ASTN2: variants seen among roughly 807,000 people sequenced by gnomAD.
The protein encoded by ASTN2 is astrotactin-2.
Under a neutral mutation model 139.8 loss-of-function variants are expected in ASTN2, and 54 were observed. That is an observed-to-expected ratio of 0.39 (90% CI 0.31 to 0.48). The LOEUF (loss-of-function observed/expected upper bound fraction) is 0.48. Among genes scored for constraint, ASTN2 ranks in the 20% least tolerant of loss-of-function variants. The pLI is 0.95. For missense variants in ASTN2, 1,565 were observed against 1,725.1 expected (o/e 0.91, Z 1.64); for synonymous variants, 756 against 719.5 (o/e 1.05, Z -0.81).
chr9:116,796,821 T>C (rs980343084), intron 13 of ASTN2, among the ~76,000 whole-genome samples: 5 of 152,120 alleles, frequency 3.3e-5, no homozygotes, highest in African/African-American at 1.2e-4. Flanking sequence ...ATGTTTTGTT[T>C]TGTTTTTTGA....
chr9:117,003,227 C>T (rs140511759), intron 7 of ASTN2, among the ~76,000 whole-genome samples: 14 of 152,230 alleles, frequency 9.2e-5, no homozygotes, highest in African/African-American at 2.4e-4. Context: ...GTGCAGAACA[C>T]GGGTGGACTA....
At chr9:117,287,537 A>T (rs1834481633) in intron 2 of ASTN2, among the ~76,000 whole-genome samples, 1 of 152,194 alleles carries the variant, frequency 6.6e-6, no homozygotes, top group African/African-American at 2.4e-5. Flanking sequence ...TGTCACGTAG[A>T]TAGGTATTTA....
At chr9:116,594,845 A>G (rs1854501981) in intron 19 of ASTN2, among the ~76,000 whole-genome samples, 1 of 152,186 alleles carries the variant, frequency 6.6e-6, no homozygotes, top group South Asian at 2.1e-4. Flanking sequence ...TCTTGAAAAT[A>G]GCTCCTAGCA....
Position 117,306,309 on chromosome 9 carries a change from T to A in ASTN2, c.443-14796A>T, listed in dbSNP as rs7039363. ...CATAATTTTCCTGGGTCTCCACTTC[T>A]CATTTAGAGTCAAGAAAGCTGAAAC... On this transcript the variant is annotated intron_variant, in intron 1 of 22. Coordinates refer to ENST00000313400, the MANE Select transcript of ASTN2 (RefSeq NM_001365068.1). Among the ~76,000 whole-genome samples the A allele has an allele frequency of 1.3e-3, 193 of 152,284 alleles. 1 individual carries two copies. The highest frequency in any genetic ancestry group is 4.0e-3 in the African/African-American group (167 of 41,566).
intron 1 of ASTN2, among the ~76,000 whole-genome samples, chr9:117,320,623 T>C (rs575714473): frequency 5.9e-5 from 9 of 152,336 alleles, no homozygotes; most frequent in African/African-American, 1.9e-4. Flanking sequence ...AACATGACTC[T>C]GCCCCTCCTT....
chr9:117,401,615 C>T (rs569291254), intron 1 of ASTN2, among the ~76,000 whole-genome samples: 5 of 151,364 alleles, frequency 3.3e-5, no homozygotes, highest in South Asian at 2.1e-4. Context: ...GGTTGGCAAA[C>T]GTTTTCTGTA....
intron 20 of ASTN2, among the ~76,000 whole-genome samples, chr9:116,461,036 C>A (rs998303390): frequency 3.9e-5 from 6 of 151,980 alleles, no homozygotes; most frequent in African/African-American, 7.2e-5. Flanking sequence ...GGCATGTTCC[C>A]AATAATGTGC....
intron 19 of ASTN2, among the ~76,000 whole-genome samples, chr9:116,536,737 C>T (rs1184429309): frequency 2.6e-5 from 4 of 152,186 alleles, no homozygotes; most frequent in Admixed American, 2.0e-4. Flanking sequence ...AGAGAGTTAC[C>T]CAGCTGTGTG....
chr9:117,312,002 A>C (rs1827988705), intron 1 of ASTN2, among the ~76,000 whole-genome samples: 2 of 152,108 alleles, frequency 1.3e-5, no homozygotes, highest in Admixed American at 6.5e-5. Context: ...CCAGCTCCAA[A>C]AGTAAGTCCC....
intron 10 of ASTN2, among the ~76,000 whole-genome samples, chr9:116,876,457 C>T (rs1262793075): frequency 2.6e-5 from 4 of 152,196 alleles, no homozygotes; most frequent in Non-Finnish European, 4.4e-5. Flanking sequence ...CTTGATAAAG[C>T]AGTGGCAGGG....
intron 4 of ASTN2, among the ~76,000 whole-genome samples, chr9:117,104,729 C>A (rs1162489693): frequency 1.3e-5 from 2 of 152,044 alleles, no homozygotes; most frequent in African/African-American, 4.8e-5. Context: ...TATTGTTGCT[C>A]CTACGCATTT....
intron 10 of ASTN2, among the ~76,000 whole-genome samples, chr9:116,920,204 G>A (rs764763900): frequency 4.7e-4 from 71 of 152,174 alleles, no homozygotes; most frequent in Non-Finnish European, 7.2e-4. Context: ...TTTTTCCTGA[G>A]CATGTGGCTC....
At chr9:116,737,450 CGTGTGTGTGTGTGTGAATGTGTGT>C (rs1828960704) in intron 13 of ASTN2, among the ~76,000 whole-genome samples, 1 of 134,736 alleles carries the variant, frequency 7.4e-6, no homozygotes. Context: ...TCTTAGCGCT[CGTGTGTGTGTGTGTGAATGTGTGT>C]GTGTGTGTGT....
chr9:116,999,525 CCTCTTT>C (rs1837125105), intron 7 of ASTN2, among the ~76,000 whole-genome samples: 1 of 141,616 alleles, frequency 7.1e-6, no homozygotes, highest in Admixed American at 7.0e-5. Flanking sequence ...TTCTTTCTTT[CCTCTTT>C]CTTTCTTTCT....
At chr9:116,606,277 T>C (rs937982854) in intron 19 of ASTN2, among the ~76,000 whole-genome samples, 2 of 152,140 alleles carry the variant, frequency 1.3e-5, no homozygotes, top group African/African-American at 4.8e-5. Context: ...ATGGCTTCTC[T>C]GAAGGAGACA....
At chr9:117,190,556 C>T (rs1452348093) in intron 3 of ASTN2, among the ~76,000 whole-genome samples, 1 of 152,136 alleles carries the variant, frequency 6.6e-6, no homozygotes, top group Non-Finnish European at 1.5e-5. Context: ...CTCTACATGA[C>T]TTTCTTACCA....
intron 3 of ASTN2, among the ~76,000 whole-genome samples, chr9:117,145,158 C>G (rs369891232): frequency 2.5e-4 from 38 of 152,170 alleles, no homozygotes; most frequent in African/African-American, 9.1e-4. Flanking sequence ...TTTGAGACAT[C>G]TAAGTGGAGA....
At chr9:116,947,229 A>G (rs115767580) in intron 10 of ASTN2, among the ~76,000 whole-genome samples, 2,780 of 152,238 alleles carry the variant, frequency 0.018, 90 homozygotes, top group African/African-American at 0.064. Context: ...CTTCTAAGAA[A>G]CTTAGTTTCT....
intron 19 of ASTN2, among the ~76,000 whole-genome samples, chr9:116,558,572 G>A (rs966848369): frequency 1.3e-5 from 2 of 152,184 alleles, no homozygotes; most frequent in African/African-American, 4.8e-5. Context: ...TTTGGCCCAG[G>A]AAGTTCAACT....
Sources: gnomAD v4.1 joint callset for allele counts (sites outside exome capture counted in the v4.1 genomes callset) on GRCh38, gnomAD v4.1.1 for gene constraint, MANE v1.5 for transcripts, NCBI Gene and HGNC (gene_info 2026-07-23, HGNC 2026-07-21) for gene names.